Variants in MDFIC observed in about 807,000 individuals in gnomAD.
The protein encoded by MDFIC is myoD family inhibitor domain-containing protein.
Under a neutral mutation model 23.2 loss-of-function variants are expected in MDFIC, and 17 were observed. That is an observed-to-expected ratio of 0.73 (90% confidence interval 0.50 to 1.10). The LOEUF (loss-of-function observed/expected upper bound fraction) is 1.10, where lower values mean the gene tolerates loss of function less well. Among genes scored for constraint, MDFIC ranks in the 50% least tolerant of loss-of-function variants. The pLI, the probability that MDFIC is intolerant of heterozygous loss-of-function variation, is 0.00. For synonymous variants in MDFIC, 120 were observed against 115.2 expected, an observed-to-expected ratio of 1.04 and a Z score of -0.27; for missense variants, 356 against 316.6, an observed-to-expected ratio of 1.12 and a Z score of -0.95.
chr7:114,990,512 C>T lies in MDFIC; in HGVS notation c.493+10731C>T, dbSNP rs572051161. Reference sequence around the variant, plus strand: ...CTATCCCTCCCCTCTGCCTGCCCCACGACAGGCCCCAGTGTGTGATGTTTC... The same window carrying T: ...CTATCCCTCCCCTCTGCCTGCCCCATGACAGGCCCCAGTGTGTGATGTTTC... On this transcript the variant is annotated intron_variant, in intron 4 of 4. Coordinates refer to ENST00000393486, the MANE Select transcript of MDFIC (RefSeq NM_001166345.3). Among the ~76,000 whole-genome samples the T allele has an allele frequency of 2.4e-3, 366 of 152,268 alleles. 4 individuals are homozygous for T. The highest frequency in any genetic ancestry group is 4.2e-3 in the Non-Finnish European group (288 of 68,014).
intron 3 of MDFIC, among the ~76,000 whole-genome samples, chr7:114,955,816 A>G (rs1415115827): frequency 6.6e-6 from 1 of 152,158 alleles, no homozygotes; most frequent in Admixed American, 6.6e-5. Flanking sequence ...TTTATTAGTA[A>G]TATTAACAAT....
At chr7:114,932,414 A>G (rs979883929) in intron 2 of MDFIC, among the ~76,000 whole-genome samples, 1 of 152,228 alleles carries the variant, frequency 6.6e-6, no homozygotes, top group South Asian at 2.1e-4. Flanking sequence ...AAGAAAATAA[A>G]GAGTTGAAGG....
In MDFIC at chr7:114,922,542, A is replaced by G. The variant is rs1285764205; in HGVS notation, c.-202A>G. ...CCGTCGTCAGGCCACCGGGGCGAAA[A>G]TGCGGCCGCTGCCGGAGGCTCGCTA... On this transcript the variant is annotated 5_prime_UTR_variant, in exon 1 of 5. It removes an upstream start codon present in the reference 5' UTR. Coordinates refer to ENST00000393486, the MANE Select transcript of MDFIC (RefSeq NM_001166345.3). 4 of 1,266,444 alleles carry G rather than the reference A, an allele frequency of 3.2e-6. No homozygotes were observed. In the African/African-American group the frequency reaches 4.6e-5, roughly 15 times the overall value. The allele number at this position is 1,266,444 out of a possible 1,614,324, so 78.5% of individuals were successfully genotyped here.
At chr7:114,979,450 T>A in intron 3 of MDFIC, 56 bp from the exon 4 acceptor site, 4 of 1,499,048 alleles carry the variant, frequency 2.7e-6, no homozygotes, top group Non-Finnish European at 3.6e-6. Flanking sequence ...TTCATTATTT[T>A]AAAATATTAA....
At chr7:114,968,955 C>T (rs920680030) in intron 3 of MDFIC, among the ~76,000 whole-genome samples, 6 of 152,146 alleles carry the variant, frequency 3.9e-5, no homozygotes, top group Non-Finnish European at 8.8e-5. Flanking sequence ...TTTGCATTCC[C>T]ACTGCCCTAA....
Position 115,014,963 on chromosome 7 carries a change from C to A in MDFIC, c.494-725C>A, listed in dbSNP as rs529429348. 3.3e-5 allele frequency among the ~76,000 whole-genome samples: 5 copies of A among 152,256 alleles called. No individual in the cohort carries two copies. In the East Asian group the frequency reaches 9.6e-4, roughly 29 times the overall value. ...AGGAGATAACAGAGATGTTAAAGTT[C>A]TTTGCCACCAAAGGAAGTGGGAAAG... On this transcript the variant is annotated intron_variant, in intron 4 of 4. Coordinates refer to ENST00000393486, the MANE Select transcript of MDFIC (RefSeq NM_001166345.3).
intron 3 of MDFIC, among the ~76,000 whole-genome samples, chr7:114,970,697 C>A (rs1385602831): frequency 6.6e-6 from 1 of 152,140 alleles, no homozygotes; most frequent in Non-Finnish European, 1.5e-5. Context: ...GAGTTTCAGT[C>A]TTCAATAGTT....
rs1299332264 is a variant in MDFIC, at chr7:115,017,558, A to G, written c.*1623A>G. ...CCTACTGTGACCAAATTTCTGTATT[A>G]CGATTTTATGTTAAATTAAACTAAT... On this transcript the variant is annotated 3_prime_UTR_variant, in exon 5 of 5. Coordinates refer to ENST00000393486, the MANE Select transcript of MDFIC (RefSeq NM_001166345.3). 1 of 152,208 alleles carries G rather than the reference A, an allele frequency of 6.6e-6. No homozygotes were observed. Among genetic ancestry groups the G allele is most frequent in the Non-Finnish European group, 1.5e-5 (1 of 67,854 alleles). The allele number at this position is 152,208 out of a possible 1,614,324, so 9.4% of individuals were successfully genotyped here.
At chr7:114,993,993 T>C (rs1198278322) in intron 4 of MDFIC, among the ~76,000 whole-genome samples, 1 of 152,192 alleles carries the variant, frequency 6.6e-6, no homozygotes, top group Admixed American at 6.5e-5. Flanking sequence ...TAAGTCTCTT[T>C]GTAGGTCTCT....
intron 4 of MDFIC, among the ~76,000 whole-genome samples, chr7:115,005,552 C>T (rs1791552956): frequency 6.6e-6 from 1 of 152,148 alleles, no homozygotes; most frequent in Non-Finnish European, 1.5e-5. Context: ...AATTGGGAAG[C>T]ACCTCAGGAA....
At chr7:114,942,878 C>T (rs1439950736) in intron 3 of MDFIC, among the ~76,000 whole-genome samples, 1 of 152,160 alleles carries the variant, frequency 6.6e-6, no homozygotes, top group Non-Finnish European at 1.5e-5. Context: ...AAGCTTCGGT[C>T]TATTTTCATG....
At chr7:114,932,843 T>C (rs1175682233) in intron 2 of MDFIC, among the ~76,000 whole-genome samples, 4 of 152,242 alleles carry the variant, frequency 2.6e-5, no homozygotes, top group Admixed American at 6.5e-5. Context: ...CAATTTCATA[T>C]CTACCATTCT....
chr7:114,922,892 A>AT (rs76623048), intron 1 of MDFIC, 35 bp from the exon 2 acceptor site: 24,127 of 1,211,846 alleles, frequency 0.02, 55 homozygotes, highest in Middle Eastern at 0.025. Flanking sequence ...CTCTAAAAAC[A>AT]TTTTTTTTTT....
intron 3 of MDFIC, among the ~76,000 whole-genome samples, chr7:114,953,562 T>G (rs1460701439): frequency 6.6e-6 from 1 of 152,234 alleles, no homozygotes; most frequent in South Asian, 2.1e-4. Flanking sequence ...TAGCAGTACC[T>G]GAAATTAGTC....
rs545477798 is a variant in MDFIC at position 114,959,299 on chromosome 7, T to A, written c.217+16902T>A. ...GTATGAAACACTAAATTACAGTAAA[T>A]TGAAAAATGGGTGGTTTATAGTCCT... On this transcript the variant is annotated intron_variant, in intron 3 of 4. Transcript: ENST00000393486. Among the ~76,000 whole-genome samples, 14 of 152,210 alleles carry A rather than the reference T, an allele frequency of 9.2e-5. No homozygotes were observed. In the South Asian group the frequency reaches 2.9e-3, roughly 32 times the overall value.
intron 3 of MDFIC, among the ~76,000 whole-genome samples, chr7:114,960,942 C>T (rs1236181955): frequency 6.6e-6 from 1 of 151,940 alleles, no homozygotes; most frequent in Non-Finnish European, 1.5e-5. Context: ...AAATCTGGAA[C>T]CTAAATGTCA....
chr7:114,947,723 A>T lies in MDFIC; in HGVS notation c.217+5326A>T, dbSNP rs535339788. Among the ~76,000 whole-genome samples the T allele has an allele frequency of 4.6e-5, 7 of 152,348 alleles. No individual in the cohort carries two copies. The East Asian group carries it at 1.3e-3, about 29-fold the overall frequency. On this transcript the variant is annotated intron_variant, in intron 3 of 4. Coordinates refer to ENST00000393486, the MANE Select transcript of MDFIC (RefSeq NM_001166345.3). ...AGGAGTCAGACCGTGCTGCATCATT[A>T]CTGCTAATGCTGGGCCAGTTACCTA...
chr7:114,922,582 A>AG lies in MDFIC; in HGVS notation c.-162_-161insG. 1 of 1,268,122 alleles carries AG rather than the reference A, an allele frequency of 7.9e-7. No individual in the cohort carries two copies. The allele number at this position is 1,268,122 out of a possible 1,614,324, so 78.6% of individuals were successfully genotyped here. Reference sequence around the variant, plus strand: ...GAGGCTCGCTAACTTTCCGGGGCGGAAGAGGAGGAGGAGGAGGAGGAAGGG... The same window carrying AG: ...GAGGCTCGCTAACTTTCCGGGGCGGAGAGAGGAGGAGGAGGAGGAGGAAGGG... On this transcript the variant is annotated 5_prime_UTR_variant, in exon 1 of 5. Coordinates refer to ENST00000393486, the MANE Select transcript of MDFIC (RefSeq NM_001166345.3).
chr7:114,996,731 G>A (rs762923091), intron 4 of MDFIC, among the ~76,000 whole-genome samples: 9 of 152,136 alleles, frequency 5.9e-5, no homozygotes, highest in Non-Finnish European at 1.2e-4. Context: ...ACAAATCAGC[G>A]ATTATGATTC....
Sources: gnomAD v4.1 joint callset for allele counts (sites outside exome capture counted in the v4.1 genomes callset) on GRCh38, gnomAD v4.1.1 for gene constraint, MANE v1.5 for transcripts, NCBI Gene and HGNC (gene_info 2026-07-23, HGNC 2026-07-21) for gene names.